Variants in DOCK4 observed in about 807,000 individuals in gnomAD.
DOCK4 encodes the protein dedicator of cytokinesis 4.
Under a neutral mutation model 268.1 loss-of-function variants are expected in DOCK4, and 97 were observed. That is an observed-to-expected ratio of 0.36 (90% CI 0.31 to 0.43). The LOEUF is 0.43. Ranked by LOEUF, DOCK4 falls within the 20% of genes least tolerant of loss-of-function variation. The probability of loss-of-function intolerance (pLI) is 1.00; values close to 1 mark genes in which losing one functional copy is unlikely to be tolerated. For missense variants in DOCK4, 2,145 were observed against 2,455.7 expected (o/e 0.87, Z 2.67); for synonymous variants, 954 against 887.2 (o/e 1.08, Z -1.34).
intron 1 of DOCK4, among the ~76,000 whole-genome samples, chr7:112,101,125 T>C (rs1810639341): frequency 6.6e-6 from 1 of 152,146 alleles, no homozygotes; most frequent in Non-Finnish European, 1.5e-5. Flanking sequence ...CTTCTAAAGA[T>C]GGGAATTATA....
At chr7:111,873,285 G>A (rs902547310) in intron 17 of DOCK4, among the ~76,000 whole-genome samples, 2 of 152,226 alleles carry the variant, frequency 1.3e-5, no homozygotes, top group African/African-American at 4.8e-5. Flanking sequence ...TTCACCTGGG[G>A]AGGGAATAAA....
chr7:112,018,143 CAAAAAAA>C (rs140883588), intron 1 of DOCK4, among the ~76,000 whole-genome samples: 410 of 20,580 alleles, frequency 0.02, 59 homozygotes, highest in African/African-American at 0.058. Flanking sequence ...GACTCCAGCT[CAAAAAAA>C]AAAAAAAAAA....
chr7:112,109,872 G>A (rs538635398), intron 1 of DOCK4, among the ~76,000 whole-genome samples: 1 of 150,296 alleles, frequency 6.7e-6, no homozygotes, highest in Non-Finnish European at 1.5e-5. Context: ...AGCCTCCCAA[G>A]TAGCTGGGAC....
chr7:112,031,964 G>C (rs1803316224), intron 1 of DOCK4, among the ~76,000 whole-genome samples: 1 of 152,130 alleles, frequency 6.6e-6, no homozygotes, highest in African/African-American at 2.4e-5. Flanking sequence ...AAAAAAGAAG[G>C]CAGTGGGTTT....
At chr7:112,003,669 C>A (rs1026759305) in intron 2 of DOCK4, among the ~76,000 whole-genome samples, 14 of 152,174 alleles carry the variant, frequency 9.2e-5, no homozygotes, top group African/African-American at 3.4e-4. Flanking sequence ...CCAGAGGCAT[C>A]TGGCTACTCA....
At chr7:111,741,727 G>A in intron 45 of DOCK4, 66 bp from the exon 46 acceptor site, 1 of 1,562,696 alleles carries the variant, frequency 6.4e-7, no homozygotes, top group South Asian at 1.2e-5. Flanking sequence ...TTATGAGACA[G>A]GTTAGCATAC....
At chr7:111,907,459 A>G (rs1311953466) in intron 13 of DOCK4, among the ~76,000 whole-genome samples, 1 of 151,710 alleles carries the variant, frequency 6.6e-6, no homozygotes, top group South Asian at 2.1e-4. Context: ...GAACTCCTAT[A>G]CTCTTGGGGC....
intron 51 of DOCK4, 62 bp downstream of exon 51, chr7:111,734,992 A>G (rs2133388030): frequency 7.6e-7 from 1 of 1,311,892 alleles, no homozygotes; most frequent in Non-Finnish European, 1.1e-6. Flanking sequence ...TTCAGGACAA[A>G]CTGGAGTAGT....
intron 40 of DOCK4, 47 bp from the exon 41 acceptor site, chr7:111,758,837 G>GCAT (rs1797204402): frequency 6.3e-7 from 1 of 1,592,884 alleles, no homozygotes; most frequent in Admixed American, 1.7e-5. Flanking sequence ...CAAACTCCAT[G>GCAT]GAAGTCTGGC....
At chr7:111,976,252 A>G (rs1364255890) in intron 8 of DOCK4, among the ~76,000 whole-genome samples, 11 of 98,962 alleles carry the variant, frequency 1.1e-4, no homozygotes, top group African/African-American at 3.0e-4. Flanking sequence ...GTGTATATAT[A>G]TGTGTATGTG....
intron 1 of DOCK4, among the ~76,000 whole-genome samples, chr7:112,127,726 C>CT (rs1176650093): frequency 4.6e-5 from 7 of 152,118 alleles, no homozygotes; most frequent in Admixed American, 4.6e-4. Flanking sequence ...AGTATGTGTG[C>CT]TTTGTAAAGA....
Position 111,955,862 on chromosome 7 carries a change from G to A in DOCK4, c.702-10064C>T, listed in dbSNP as rs76137954. Among the ~76,000 whole-genome samples the A allele has an allele frequency of 6.8e-4, 104 of 152,310 alleles. No homozygotes were observed. In the East Asian group the frequency reaches 0.02, roughly 29 times the overall value. ...GTGACTTTAAGTTCAGAAGACTTGA[G>A]ACCTTAGAAATCTTGAAGTTCGTTT... On this transcript the variant is annotated intron_variant, in intron 8 of 52. Transcript: ENST00000428084.
intron 28 of DOCK4, 78 bp downstream of exon 28, chr7:111,811,796 G>T (rs1801155402): frequency 1.1e-6 from 1 of 883,874 alleles, no homozygotes; most frequent in Middle Eastern, 2.2e-4. Flanking sequence ...TACGGCCCAA[G>T]AAAATGTTAG....
At chr7:112,110,835 A>C (rs1326960158) in intron 1 of DOCK4, among the ~76,000 whole-genome samples, 1 of 152,112 alleles carries the variant, frequency 6.6e-6, no homozygotes, top group Non-Finnish European at 1.5e-5. Flanking sequence ...GGTGGCTTAC[A>C]TGCTGCAGGA....
chr7:111,787,983 G>A (rs1023329133), intron 32 of DOCK4, among the ~76,000 whole-genome samples: 10 of 152,144 alleles, frequency 6.6e-5, no homozygotes, highest in Non-Finnish European at 1.3e-4. Context: ...TGTATCTTCT[G>A]GCCATTTAAA....
chr7:111,927,051 A>C (rs1264765448), intron 12 of DOCK4, among the ~76,000 whole-genome samples: 1 of 152,166 alleles, frequency 6.6e-6, no homozygotes, highest in Non-Finnish European at 1.5e-5. Flanking sequence ...TCTTTAAACT[A>C]AGTTAAGTCT....
chr7:111,788,916 A>C (rs1799350349), intron 31 of DOCK4, 169 bp from the exon 32 acceptor site: 1 of 650,052 alleles, frequency 1.5e-6, no homozygotes, highest in East Asian at 2.7e-5. Context: ...CTAAGGGACT[A>C]ATCTAGATAG....
intron 1 of DOCK4, among the ~76,000 whole-genome samples, chr7:112,143,468 T>C (rs1159601930): frequency 6.6e-6 from 1 of 152,200 alleles, no homozygotes. Context: ...GCTCCATTAG[T>C]GAAAAAGTCT....
chr7:112,168,971 T>C lies in DOCK4; in HGVS notation c.37+37131A>G, dbSNP rs1057251428. ...CACATATATGTGTATTATCACTATT[T>C]GATATGGTTTGATTTATGTCCCTGC... On this transcript the variant is annotated intron_variant, in intron 1 of 52. Coordinates refer to ENST00000428084, the MANE Select transcript of DOCK4 (RefSeq NM_001363540.2). 3.3e-5 allele frequency among the ~76,000 whole-genome samples: 5 copies of C among 152,202 alleles called. 1 individual carries two copies. Among genetic ancestry groups the C allele is most frequent in the African/African-American group, 1.2e-4 (5 of 41,454 alleles).
Sources: allele counts gnomAD v4.1 joint callset (sites outside exome capture counted in the v4.1 genomes callset), GRCh38; gene constraint gnomAD v4.1.1; transcripts MANE v1.5; gene names NCBI Gene and HGNC (gene_info 2026-07-23, HGNC 2026-07-21).